Variants in NBL1 observed in about 807,000 individuals in gnomAD.
The protein encoded by NBL1 is NBL1, DAN family BMP antagonist, also known as neuroblastoma suppressor of tumorigenicity 1.
In NBL1, 9 loss-of-function variants were observed where a neutral mutation model predicts 16.0. That is an observed-to-expected ratio of 0.56 (90% confidence interval 0.34 to 0.98). The LOEUF (loss-of-function observed/expected upper bound fraction) is 0.98, where lower values mean the gene tolerates loss of function less well. Ranked by LOEUF, NBL1 falls within the 50% of genes least tolerant of loss-of-function variation. NBL1 has a pLI of 0.02. For missense variants in NBL1, 196 were observed against 243.1 expected, an observed-to-expected ratio of 0.81 and a Z score of 1.29; for synonymous variants, 86 against 100.7, an observed-to-expected ratio of 0.85 and a Z score of 0.87.
chr1:19,644,524 C>A lies in NBL1; in HGVS notation c.-20+78C>A. The A allele has an allele frequency of 1.2e-6, 1 of 816,992 alleles. No individual in the cohort carries two copies. Among genetic ancestry groups the A allele is most frequent in the South Asian group, 5.5e-5 (1 of 18,022 alleles). 50.6% of individuals were successfully genotyped at this position (816,992 alleles called of 1,614,324 possible). A position where few individuals can be genotyped will look rare whatever the true frequency, so the allele number is the denominator to read the frequency against. On this transcript the variant is annotated intron_variant, in intron 1 of 3. Transcript: ENST00000375136. This position sits in a 1 kb window ranked among gnomAD's most constrained non-coding sequence, Gnocchi z 4.6. ...CGCGGGGGCAGTGCCGCGCCCCCAGCCCGGAGCTGCGTCCCCCGGCGCGTC... is the reference window on the plus strand; with the variant it reads ...CGCGGGGGCAGTGCCGCGCCCCCAGACCGGAGCTGCGTCCCCCGGCGCGTC...
At chr1:19,651,296 C>T (rs2095024120) in intron 1 of NBL1, among the ~76,000 whole-genome samples, 2 of 152,160 alleles carry the variant, frequency 1.3e-5, no homozygotes, top group Admixed American at 6.5e-5. Context: ...CAGCGCCCTG[C>T]GGAGAGCCTG....
In NBL1 at chr1:19,655,211, A is replaced by G. The variant is rs573137570; in HGVS notation, c.170+11A>G. ...GTCCATCCAGAACAGGTGGGACCCA[A>G]GGGGTGGGTGGGGGGATGCGGACAG... On this transcript the variant is annotated intron_variant, in intron 2 of 3. Transcript: ENST00000375136. 254 of 1,506,098 alleles carry G rather than the reference A, an allele frequency of 1.7e-4. No individual in the cohort carries two copies. Among genetic ancestry groups the G allele is most frequent in the Non-Finnish European group, 2.2e-4 (243 of 1,092,318 alleles). The allele number at this position is 1,506,098 out of a possible 1,614,324, so 93.3% of individuals were successfully genotyped here. A position where few individuals can be genotyped will look rare whatever the true frequency, so the allele number is the denominator to read the frequency against.
intron 1 of NBL1, among the ~76,000 whole-genome samples, chr1:19,650,974 C>A (rs1570558005): frequency 6.6e-6 from 1 of 152,142 alleles, no homozygotes. Context: ...TCCAGCCCAG[C>A]CTTGGCTCTG....
upstream of NBL1, chr1:19,644,174 C>G (rs968321288): frequency 1.3e-5 from 13 of 980,132 alleles, no homozygotes; most frequent in South Asian, 1.4e-4. This position sits in a 1 kb window ranked among gnomAD's most constrained non-coding sequence, Gnocchi z 4.6. Flanking sequence ...CCTGCGCACC[C>G]GGAGGGAGAG....
chr1:19,643,951 C>T (rs971007960), upstream of NBL1: 171 of 985,776 alleles, frequency 1.7e-4, no homozygotes, highest in Non-Finnish European at 1.9e-4. This position sits in a 1 kb window ranked among gnomAD's most constrained non-coding sequence, Gnocchi z 4.7. Context: ...ACGGCCCAGG[C>T]TCGGTAAAAG....
At chr1:19,647,677 T>C in intron 1 of NBL1, 1 of 985,278 alleles carries the variant, frequency 1.0e-6, no homozygotes, top group Non-Finnish European at 1.2e-6. Context: ...ACAGGTAGAA[T>C]CGTCCGTCTC....
rs758757270 is a variant in NBL1, at chr1:19,655,040, C to T, written c.10C>T (p.Arg4Trp). Residue 4 changes from arginine to tryptophan, a missense_variant, in exon 2 of 4, where the codon CGG (arginine) becomes TGG (tryptophan). Arg to Trp is a moderately radical substitution (Grantham distance 101). Coordinates refer to ENST00000375136, the MANE Select transcript of NBL1 (RefSeq NM_005380.8). The stretch of plus-strand genomic sequence containing the variant: ...TCTGGAGGCCACGGGCATGATGCTT[C>T]GGGTCCTGGTGGGGGCTGTCCTCCC... MML[R>W]VLVGAVLPAM... 1.4e-5 allele frequency: 23 copies of T among 1,608,770 alleles called. No individual in the cohort carries two copies. Among genetic ancestry groups the T allele is most frequent in the Middle Eastern group, 2.0e-4 (1 of 5,072 alleles).
chr1:19,654,435 G>C (rs935264442), intron 1 of NBL1, among the ~76,000 whole-genome samples: 1 of 152,132 alleles, frequency 6.6e-6, no homozygotes, highest in East Asian at 1.9e-4. Flanking sequence ...TCACAGCAAC[G>C]TGAAGGTTAA....
chr1:19,645,823 T>A (rs927139874), intron 1 of NBL1: 6 of 1,474,380 alleles, frequency 4.1e-6, no homozygotes, highest in Non-Finnish European at 5.4e-6. Flanking sequence ...GGATATCGCC[T>A]CATTATTTTA....
intron 3 of NBL1, among the ~76,000 whole-genome samples, chr1:19,656,420 A>G (rs1396385508): frequency 1.5e-5 from 2 of 134,330 alleles, no homozygotes; most frequent in African/African-American, 2.7e-5. Context: ...GGTGGGGGGA[A>G]CCTTCCAGGC....
At chr1:19,647,868 T>C (rs1406504829) in intron 1 of NBL1, among the ~76,000 whole-genome samples, 2 of 142,352 alleles carry the variant, frequency 1.4e-5, no homozygotes, top group South Asian at 2.1e-4. Context: ...TGTGTGTGCG[T>C]GTGTGTGTGT....
In NBL1 at chr1:19,656,907, G is replaced by A. The variant is rs1431290565; in HGVS notation, c.324G>A (p.Val108=). The A allele has an allele frequency of 3.1e-6, 5 of 1,613,266 alleles. No individual in the cohort carries two copies. In the African/African-American group the frequency reaches 6.7e-5, roughly 22 times the overall value. Residue 108 remains valine, a synonymous_variant, in exon 4 of 4, where the codon GTG becomes GTA. Transcript: ENST00000375136. ...CGGGCCACGAGGAGGTGCCCAGGGTGGACAAGCTGGTGGAGAAGATCCTGC... is the reference window on the plus strand; with the variant it reads ...CGGGCCACGAGGAGGTGCCCAGGGTAGACAAGCTGGTGGAGAAGATCCTGC... The part of the protein sequence containing the change: ...ECPGHEEVPR[V]DKLVEKILHC...
Position 19,657,181 on chromosome 1 carries a change from C to A in NBL1, c.*52C>A. ...CATCCCCCTGTGGAATGTTGGGTCT[C>A]ACTCTCTGGGGAAGTCAGGGGAGAA... On this transcript the variant is annotated 3_prime_UTR_variant, in exon 4 of 4. Coordinates refer to ENST00000375136, the MANE Select transcript of NBL1 (RefSeq NM_005380.8). 1.2e-6 allele frequency: 1 copy of A among 841,372 alleles called. No individual in the cohort carries two copies. Among genetic ancestry groups the A allele is most frequent in the East Asian group, 2.7e-5 (1 of 37,296 alleles). 52.1% of individuals were successfully genotyped at this position (841,372 alleles called of 1,614,324 possible).
At chr1:19,652,533 C>T (rs58601674) in intron 1 of NBL1, among the ~76,000 whole-genome samples, 3,390 of 152,216 alleles carry the variant, frequency 0.022, 124 homozygotes, top group African/African-American at 0.078. Context: ...GGGCTTATCC[C>T]GGCATTGGGG....
rs547977667 is a variant in NBL1 at position 19,658,174 on chromosome 1, A to C, written c.*1045A>C. 1 of 152,868 alleles carries C rather than the reference A, an allele frequency of 6.5e-6. No homozygotes were observed. Among genetic ancestry groups the C allele is most frequent in the African/African-American group, 2.4e-5 (1 of 41,542 alleles). The allele number at this position is 152,868 out of a possible 1,614,324, so 9.5% of individuals were successfully genotyped here. A position where few individuals can be genotyped will look rare whatever the true frequency, so the allele number is the denominator to read the frequency against. ...TCACTTGGGCTCTCTCTAGCTCCCC[A>C]ATTCTGCCTGCCTCCTCCCTCCCAG... On this transcript the variant is annotated 3_prime_UTR_variant, in exon 4 of 4. Coordinates refer to ENST00000375136, the MANE Select transcript of NBL1 (RefSeq NM_005380.8).
chr1:19,643,614 G>A, upstream of NBL1: 1 of 1,377,640 alleles, frequency 7.3e-7, no homozygotes, highest in Non-Finnish European at 9.4e-7. The surrounding 1 kb of genome is among the most constrained non-coding windows in gnomAD (Gnocchi z 4.7). Flanking sequence ...ACTCTTCCCA[G>A]GAGTCAGAGA....
Position 19,657,085 on chromosome 1 carries a change from C to T in NBL1, c.502C>T (p.Pro168Ser). Reference protein sequence around the residue: ...PGGQTPEPEDPPGAPHTEEEG... With the variant: ...PGGQTPEPEDSPGAPHTEEEG... ...CGGGCAGACCCCTGAGCCCGAGGACCCCCCTGGGGCCCCCCACACAGAGGA... is the reference window on the plus strand; with the variant it reads ...CGGGCAGACCCCTGAGCCCGAGGACTCCCCTGGGGCCCCCCACACAGAGGA... Residue 168 changes from proline to serine, a missense_variant, in exon 4 of 4, where the codon CCC becomes TCC. By Grantham distance (74) the Pro-to-Ser change is moderately conservative. Coordinates refer to ENST00000375136, the MANE Select transcript of NBL1 (RefSeq NM_005380.8). 2.6e-6 allele frequency: 4 copies of T among 1,513,734 alleles called. No homozygotes were observed. The highest frequency in any genetic ancestry group is 3.6e-6 in the Non-Finnish European group (4 of 1,123,474). The allele number at this position is 1,513,734 out of a possible 1,614,324, so 93.8% of individuals were successfully genotyped here.
intron 1 of NBL1, chr1:19,646,051 C>T: frequency 6.4e-7 from 1 of 1,550,608 alleles, no homozygotes; most frequent in Non-Finnish European, 8.7e-7. Context: ...GGGCCGTGGC[C>T]TGGGTTTGGG....
At chr1:19,646,125 C>G in intron 1 of NBL1, 2 of 1,424,972 alleles carry the variant, frequency 1.4e-6, no homozygotes. Context: ...GGGGTCGGCC[C>G]TGTGTGTCCG....
Sources: allele counts gnomAD v4.1 joint callset (sites outside exome capture counted in the v4.1 genomes callset), GRCh38; gene constraint gnomAD v4.1.1; non-coding constraint Gnocchi (gnomAD v3.1); transcripts MANE v1.5; gene names NCBI Gene and HGNC (gene_info 2026-07-23, HGNC 2026-07-21).